The following SQLE variants were observed in gnomAD, a reference collection of about 807,000 sequenced individuals.
SQLE encodes the protein squalene epoxidase.
In SQLE, 29 loss-of-function variants were observed where a neutral mutation model predicts 60.7. That is an observed-to-expected ratio of 0.48 (90% CI 0.36 to 0.65). The LOEUF (loss-of-function observed/expected upper bound fraction) is 0.65. SQLE is among the 30% of genes least tolerant of loss of function. The probability of loss-of-function intolerance (pLI) is 0.00; values close to 1 mark genes in which losing one functional copy is unlikely to be tolerated. For synonymous variants in SQLE, 237 were observed against 246.8 expected, an observed-to-expected ratio of 0.96 and a Z score of 0.37; for missense variants, 605 against 684.1, an observed-to-expected ratio of 0.88 and a Z score of 1.29.
Position 125,003,340 on chromosome 8 carries a change from T to A in SQLE, c.456T>A (p.Ile152=). 2.5e-6 allele frequency: 4 copies of A among 1,613,982 alleles called. No homozygotes were observed. Among genetic ancestry groups the A allele is most frequent in the Admixed American group, 1.7e-5 (1 of 60,018 alleles). The change falls in exon 2 of 11, where the codon ATT becomes ATA. Residue 152 remains isoleucine, a synonymous_variant. Coordinates refer to ENST00000265896, the MANE Select transcript of SQLE (RefSeq NM_003129.4). The part of the protein sequence containing the change: ...LSRDGRKVTV[I]ERDLKEPDRI... ...GAGATGGAAGAAAGGTGACAGTCAT[T>A]GAGAGAGACTTAAAAGAGCCTGACA...
In SQLE at chr8:124,999,604, G is replaced by C; in HGVS notation, c.201G>C (p.Ser67=). 2 of 1,613,506 alleles carry C rather than the reference G, an allele frequency of 1.2e-6. No individual in the cohort carries two copies. The highest frequency in any genetic ancestry group is 8.5e-7 in the Non-Finnish European group (1 of 1,179,736). The stretch of plus-strand genomic sequence containing the variant: ...GCGGCTCCCAGTTCGCCCTCTTCTC[G>C]GATATTCTCTCAGGCCTGCCTTTCA... ...QQSGSQFALF[S]DILSGLPFIG... is the part of the protein sequence containing the mutation. The change falls in exon 1 of 11, where the codon TCG becomes TCC. Residue 67 remains serine (S), a synonymous_variant. Transcript: ENST00000265896.
At chr8:125,018,839 T>G in intron 9 of SQLE, 112 bp downstream of exon 9, 1 of 721,634 alleles carries the variant, frequency 1.4e-6, no homozygotes, top group Non-Finnish European at 2.2e-6. Context: ...CTGAGTTTGC[T>G]AACTCCCAAG....
chr8:125,007,143 A>G (rs534087456), intron 3 of SQLE, among the ~76,000 whole-genome samples: 1 of 152,190 alleles, frequency 6.6e-6, no homozygotes, highest in Non-Finnish European at 1.5e-5. Flanking sequence ...ACAAATTAAG[A>G]TGAAAATCCA....
rs1815221998 is a variant in SQLE, at chr8:125,022,174, A to C, written c.*229A>C. ...TTAAATAAGTTAGACATTTAAAAGA[A>C]ATGATTGTTACCATAAATTAGTGCT... On this transcript the variant is annotated 3_prime_UTR_variant, in exon 11 of 11. Coordinates refer to ENST00000265896, the MANE Select transcript of SQLE (RefSeq NM_003129.4). 1 of 306,500 alleles carries C rather than the reference A, an allele frequency of 3.3e-6. No individual in the cohort carries two copies. The allele number at this position is 306,500 out of a possible 1,614,324, so 19.0% of individuals were successfully genotyped here.
intron 7 of SQLE, among the ~76,000 whole-genome samples, chr8:125,013,295 A>G (rs913607125): frequency 2.7e-5 from 4 of 150,272 alleles, no homozygotes; most frequent in Non-Finnish European, 5.9e-5. Context: ...TTTTGATGTC[A>G]TATTTAGGAA....
chr8:125,018,563 G>A, intron 8 of SQLE, 68 bp from the exon 9 acceptor site: 3 of 971,020 alleles, frequency 3.1e-6, no homozygotes, highest in South Asian at 1.6e-5. Context: ...TCAGTTTGAG[G>A]GGATTATAAA....
intron 7 of SQLE, 97 bp downstream of exon 7, chr8:125,011,729 T>C (rs1272992084): frequency 4.6e-6 from 5 of 1,096,976 alleles, no homozygotes; most frequent in South Asian, 4.4e-5. Context: ...CTGGGACAGA[T>C]AGTTTGTCAC....
In SQLE at chr8:124,999,296, G is replaced by T. The variant is rs1814801136; in HGVS notation, c.-108G>T. 8.9e-7 allele frequency: 1 copy of T among 1,121,542 alleles called. No homozygotes were observed. The highest frequency in any genetic ancestry group is 2.5e-5 in the South Asian group (1 of 39,348). 69.5% of individuals were successfully genotyped at this position (1,121,542 alleles called of 1,614,324 possible). On this transcript the variant is annotated 5_prime_UTR_variant, in exon 1 of 11. Transcript: ENST00000265896. ...CCTGGGACACTGTTTACTGGAGTCT[G>T]GCCGGCTCTCCGTGCTCCTCTTGGT... is the stretch of plus-strand genomic sequence containing the variant.
At chr8:125,020,386 T>C (rs1298965089) in intron 9 of SQLE, among the ~76,000 whole-genome samples, 1 of 152,196 alleles carries the variant, frequency 6.6e-6, no homozygotes, top group Non-Finnish European at 1.5e-5. Flanking sequence ...ACAGCTCTCT[T>C]CACTTGATAA....
In SQLE at chr8:125,022,122, T is replaced by C. The variant is rs539541179; in HGVS notation, c.*177T>C. ...TGTATATAAATATGTAAATACATGC[T>C]TTAATTTGCAATTTAAAATGAAGGG... On this transcript the variant is annotated 3_prime_UTR_variant, in exon 11 of 11. Transcript: ENST00000265896. The C allele has an allele frequency of 7.5e-6, 3 of 399,124 alleles. No individual in the cohort carries two copies. In the East Asian group the frequency reaches 1.1e-4, roughly 15 times the overall value. The allele number at this position is 399,124 out of a possible 1,614,324, so 24.7% of individuals were successfully genotyped here.
intron 7 of SQLE, among the ~76,000 whole-genome samples, chr8:125,012,029 G>A (rs1474742761): frequency 6.6e-6 from 1 of 151,698 alleles, no homozygotes; most frequent in Non-Finnish European, 1.5e-5. Context: ...GGAAACAAAG[G>A]ACCTTGGACC....
At chr8:125,011,233 G>C (rs954896717) in intron 6 of SQLE, 5 of 199,180 alleles carry the variant, frequency 2.5e-5, no homozygotes, top group Non-Finnish European at 3.0e-5. Context: ...TGGAAGAAAG[G>C]TAGGTGGTTT....
At chr8:125,018,509 C>A in intron 8 of SQLE, 122 bp from the exon 9 acceptor site, 1 of 697,270 alleles carries the variant, frequency 1.4e-6, no homozygotes, top group Non-Finnish European at 2.3e-6. Context: ...AAATGATAAA[C>A]ATAAGGCAAT....
intron 1 of SQLE, 28 bp from the exon 2 acceptor site, chr8:125,003,148 C>G (rs1331356503): frequency 6.4e-7 from 1 of 1,553,962 alleles, no homozygotes; most frequent in Non-Finnish European, 8.7e-7. Flanking sequence ...AATTTGGATA[C>G]CTAGTTTACC....
chr8:125,009,144 T>C (rs1301770315), intron 5 of SQLE, 28 bp from the exon 6 acceptor site: 1 of 1,573,714 alleles, frequency 6.4e-7, no homozygotes, highest in East Asian at 2.3e-5. Context: ...TGAAAATTAT[T>C]AAAACATTTT....
intron 3 of SQLE, among the ~76,000 whole-genome samples, chr8:125,006,449 T>G (rs911665176): frequency 6.6e-6 from 1 of 151,598 alleles, no homozygotes; most frequent in Non-Finnish European, 1.5e-5. Context: ...TGAAACCCCG[T>G]CTCTACTAAA....
At chr8:125,015,828 CTT>C (rs1563599587) in intron 7 of SQLE, among the ~76,000 whole-genome samples, 1 of 152,096 alleles carries the variant, frequency 6.6e-6, no homozygotes, top group Non-Finnish European at 1.5e-5. Context: ...CTGGGAAAGT[CTT>C]TATTTCTCCT....
chr8:125,000,385 T>TC (rs1306530568), intron 1 of SQLE, among the ~76,000 whole-genome samples: 1 of 152,224 alleles, frequency 6.6e-6, no homozygotes, highest in Non-Finnish European at 1.5e-5. Flanking sequence ...CCAAGAGTTC[T>TC]CCCAAGAACA....
chr8:125,012,243 G>A (rs528810760), intron 7 of SQLE, among the ~76,000 whole-genome samples: 2 of 152,262 alleles, frequency 1.3e-5, no homozygotes, highest in South Asian at 2.1e-4. Context: ...CATTTGAAGT[G>A]TTTTCTTGTT....
Sources: allele counts gnomAD v4.1 joint callset (sites outside exome capture counted in the v4.1 genomes callset), GRCh38; gene constraint gnomAD v4.1.1; transcripts MANE v1.5; gene names NCBI Gene and HGNC (gene_info 2026-07-23, HGNC 2026-07-21).